Variants in DBNDD1 observed in about 807,000 individuals in gnomAD.
The protein encoded by DBNDD1 is dysbindin domain-containing protein 1.
In DBNDD1, 14 loss-of-function variants were observed where a neutral mutation model predicts 17.0. That is an observed-to-expected ratio of 0.82 (90% CI 0.54 to 1.29). DBNDD1 has a LOEUF of 1.29. DBNDD1 is among the 50% of genes most tolerant of loss of function. The pLI, the probability that DBNDD1 is intolerant of heterozygous loss-of-function variation, is 0.00. For missense variants in DBNDD1, 221 were observed against 216.2 expected (o/e 1.02, Z -0.14); for synonymous variants, 105 against 102.0 (o/e 1.03, Z -0.18).
At position 90,008,922 on chromosome 16, in the gene DBNDD1, G is replaced by A; in HGVS notation, c.181C>T (p.Pro61Ser). The A allele has an allele frequency of 6.4e-7, 1 of 1,557,180 alleles. No homozygotes were observed. The highest frequency in any genetic ancestry group is 8.7e-7 in the Non-Finnish European group (1 of 1,145,610). ...TCCAGAGAGGAGACGCTGCTCAGAG[G>A]CTCTGAGGGCAGAGGGGGTACAGTC... ...GLLQVTERRQ[P>S]LSSVSSLEVH... is the part of the protein sequence containing the mutation. Residue 61 changes from proline to serine, a missense_variant and splice_region_variant, in exon 3 of 4, where the codon CCT (proline) becomes TCT (serine). Coordinates refer to ENST00000002501, the MANE Select transcript of DBNDD1 (RefSeq NM_001042610.3).
chr16:90,018,820 G>A (rs1256977010), intron 1 of DBNDD1, among the ~76,000 whole-genome samples: 3 of 152,164 alleles, frequency 2.0e-5, no homozygotes, highest in Admixed American at 1.3e-4. Flanking sequence ...ACATCCCCAA[G>A]ACCCATCTCA....
intron 1 of DBNDD1, among the ~76,000 whole-genome samples, chr16:90,014,318 G>C (rs2035603451): frequency 1.3e-5 from 2 of 151,900 alleles, no homozygotes; most frequent in Admixed American, 6.6e-5. Flanking sequence ...GTAGAGATGG[G>C]GTTTCTCCCT....
At position 90,009,978 on chromosome 16, in the gene DBNDD1, C is replaced by T. The variant is rs190713666; in HGVS notation, c.32-548G>A. 6.8e-6 allele frequency: 11 copies of T among 1,614,154 alleles called. No individual in the cohort carries two copies. The highest frequency in any genetic ancestry group is 3.3e-4 in the Middle Eastern group (2 of 6,062). On this transcript the variant is annotated intron_variant, in intron 1 of 3. Coordinates refer to ENST00000002501, the MANE Select transcript of DBNDD1 (RefSeq NM_001042610.3). ...AAACCAGGAGGAATAGGCAGGCCTG[C>T]CATTCTGTGATCCCTTAGCCACCAA...
At position 90,006,339 on chromosome 16, in the gene DBNDD1, T is replaced by G; in HGVS notation, c.473A>C (p.Asp158Ala). ...GCTGGGGCAGGTGGAGATGGTCTAG[T>G]CCTCCTGGGGCCTCTCCACAGTGAG... ...TFLTVERPQE[D>A] Residue 158 changes from aspartate (D) to alanine (A), a missense_variant, in exon 4 of 4, where the codon GAC (aspartate) becomes GCC (alanine). Asp to Ala is a moderately radical substitution (Grantham distance 126). Coordinates refer to ENST00000002501, the MANE Select transcript of DBNDD1 (RefSeq NM_001042610.3). 5.0e-6 allele frequency: 8 copies of G among 1,606,606 alleles called. No individual in the cohort carries two copies. The highest frequency in any genetic ancestry group is 6.8e-6 in the Non-Finnish European group (8 of 1,177,862).
chr16:90,009,426 G>C lies in DBNDD1; in HGVS notation c.36C>G (p.Ile12Met), dbSNP rs776645820. ...CCTGCGGCACCTCAGCCTCCTTAAC[G>C]ATCTCTGCATCCAAAGACACAGTGT... ...EPPEGAGTGE[I>M]VKEAEVPQAA... The change falls in exon 2 of 4, where the codon ATC (isoleucine) becomes ATG (methionine). Residue 12 changes from isoleucine (I) to methionine (M), a missense_variant. Ile to Met is a conservative substitution (Grantham distance 10). Coordinates refer to ENST00000002501, the MANE Select transcript of DBNDD1 (RefSeq NM_001042610.3). The C allele has an allele frequency of 3.1e-6, 5 of 1,610,732 alleles. No individual in the cohort carries two copies. In the East Asian group the frequency reaches 1.1e-4, roughly 36 times the overall value.
intron 3 of DBNDD1, chr16:90,006,847 A>G (rs2035437520): frequency 4.3e-6 from 1 of 231,124 alleles, no homozygotes; most frequent in Non-Finnish European, 8.9e-6. Context: ...ACCCTCCATG[A>G]GCCCTGCAGG....
At chr16:90,013,269 A>AAAAAAAAAAAAAAAAAAAAC in intron 1 of DBNDD1, among the ~76,000 whole-genome samples, 1 of 144,096 alleles carries the variant, frequency 6.9e-6, no homozygotes, top group South Asian at 2.2e-4. Flanking sequence ...CCTTAAAAAA[A>AAAAAAAAAAAAAAAAAAAAC]AAAAAAAAAA....
rs2035394823 is a variant in DBNDD1, at chr16:90,005,038, G to C, written c.*1297C>G. The stretch of plus-strand genomic sequence containing the variant: ...AAGAGAAAGCTGCTGGGCTCTGTGT[G>C]ACTGGAAACCAGGGAAGGAGACCTG... On this transcript the variant is annotated 3_prime_UTR_variant, in exon 4 of 4. Coordinates refer to ENST00000002501, the MANE Select transcript of DBNDD1 (RefSeq NM_001042610.3). 6.5e-6 allele frequency: 1 copy of C among 152,712 alleles called. No homozygotes were observed. The highest frequency in any genetic ancestry group is 1.5e-5 in the Non-Finnish European group (1 of 68,144). 9.5% of individuals were successfully genotyped at this position (152,712 alleles called of 1,614,324 possible). A position where few individuals can be genotyped will look rare whatever the true frequency, so the allele number is the denominator to read the frequency against.
intron 1 of DBNDD1, among the ~76,000 whole-genome samples, chr16:90,012,853 C>T (rs1014843908): frequency 2.6e-5 from 4 of 152,026 alleles, no homozygotes; most frequent in East Asian, 1.9e-4. Flanking sequence ...TGGGCTCAAG[C>T]GATCCTCCCA....
At chr16:90,007,805 A>C (rs11647027) in intron 3 of DBNDD1, 7,851 of 153,214 alleles carry the variant, frequency 0.051, 281 homozygotes, top group East Asian at 0.15. Flanking sequence ...AGTTGGGCAG[A>C]TAGCAGCGTG....
intron 1 of DBNDD1, among the ~76,000 whole-genome samples, chr16:90,010,634 G>A (rs948336102): frequency 6.6e-6 from 1 of 151,376 alleles, no homozygotes; most frequent in African/African-American, 2.4e-5. Flanking sequence ...TGGCCCAACT[G>A]TTTCTTTTAT....
At chr16:90,006,724 C>T (rs1464669745) in intron 3 of DBNDD1, 1 of 583,404 alleles carries the variant, frequency 1.7e-6, no homozygotes, top group East Asian at 2.9e-5. Context: ...TTTTCTGGTG[C>T]TCCCCGGAGT....
At chr16:90,009,990 C>T in intron 1 of DBNDD1, 1 of 1,614,192 alleles carries the variant, frequency 6.2e-7, no homozygotes, top group Non-Finnish European at 8.5e-7. Context: ...ATTCTGTGAT[C>T]CCTTAGCCAC....
chr16:90,009,902 T>C, intron 1 of DBNDD1: 1 of 1,560,484 alleles, frequency 6.4e-7, no homozygotes, highest in Non-Finnish European at 8.8e-7. Flanking sequence ...TTTTAAAAAC[T>C]GATGTCGTAT....
chr16:90,014,365 T>C (rs1327176356), intron 1 of DBNDD1, among the ~76,000 whole-genome samples: 3 of 152,008 alleles, frequency 2.0e-5, no homozygotes, highest in Non-Finnish European at 2.9e-5. Context: ...GACCTCATGA[T>C]CCGCCCGCCT....
intron 1 of DBNDD1, among the ~76,000 whole-genome samples, chr16:90,016,063 G>A (rs564283222): frequency 4.1e-4 from 63 of 152,316 alleles, no homozygotes; most frequent in South Asian, 3.7e-3. Flanking sequence ...GGAACTGATA[G>A]GCAAAGCCGG....
chr16:90,008,870 G>C lies in DBNDD1; in HGVS notation c.233C>G (p.Thr78Ser). 1 of 1,599,464 alleles carries C rather than the reference G, an allele frequency of 6.3e-7. No homozygotes were observed. Among genetic ancestry groups the C allele is most frequent in the Non-Finnish European group, 8.5e-7 (1 of 1,171,276 alleles). The change falls in exon 3 of 4, where the codon ACT becomes AGT. Residue 78 changes from threonine to serine, a missense_variant. Thr to Ser is a moderately conservative substitution (Grantham distance 58). Coordinates refer to ENST00000002501, the MANE Select transcript of DBNDD1 (RefSeq NM_001042610.3). ...CTGGTCCGACATGTCGGTGAGCTCA[G>C]TGAGGTCCAGGAGGTCGAAGTGGAC... is the stretch of plus-strand genomic sequence containing the variant. Reference protein sequence around the residue: ...LEVHFDLLDLTELTDMSDQEL... With the variant: ...LEVHFDLLDLSELTDMSDQEL...
At chr16:90,011,436 C>A in intron 1 of DBNDD1, 1 of 313,704 alleles carries the variant, frequency 3.2e-6, no homozygotes, top group Non-Finnish European at 6.3e-6. Flanking sequence ...CTGGGAGGTC[C>A]CCAGTGGCTT....
At chr16:90,012,991 C>T (rs968007829) in intron 1 of DBNDD1, among the ~76,000 whole-genome samples, 23 of 151,710 alleles carry the variant, frequency 1.5e-4, no homozygotes, top group African/African-American at 5.3e-4. Context: ...TACACCCTGG[C>T]CTCCCACCCC....
Sources: allele counts gnomAD v4.1 joint callset (sites outside exome capture counted in the v4.1 genomes callset), GRCh38; gene constraint gnomAD v4.1.1; transcripts MANE v1.5; gene names NCBI Gene and HGNC (gene_info 2026-07-23, HGNC 2026-07-21).